VPS9D1: variants seen among roughly 807,000 people sequenced by gnomAD.
VPS9D1 encodes VPS9 domain containing 1, also known as VPS9 domain-containing protein 1.
VPS9D1 carries 78 observed loss-of-function variants against 75.8 expected under a neutral mutation model. The observed-to-expected ratio is 1.03, with a 90% CI of 0.86 to 1.24. The LOEUF (loss-of-function observed/expected upper bound fraction) is 1.24. Among genes scored for constraint, VPS9D1 ranks in the 50% most tolerant of loss-of-function variants. The pLI is 0.00. For missense variants in VPS9D1, 1,057 were observed against 847.7 expected (o/e 1.25, Z -3.07); for synonymous variants, 481 against 385.6 (o/e 1.25, Z -2.90).
In VPS9D1 at chr16:89,711,866, C is replaced by G. The variant is rs554524289; in HGVS notation, c.747+16G>C. 6.5e-6 allele frequency: 10 copies of G among 1,549,610 alleles called. No homozygotes were observed. The highest frequency in any genetic ancestry group is 2.4e-5 in the South Asian group (2 of 84,044). ...CTGGGCTCCTCCTACAAAGCCTGGG[C>G]CCGTGGGGGACGCACATGGTCCTGT... is the stretch of plus-strand genomic sequence containing the variant. On this transcript the variant is annotated intron_variant, in intron 8 of 14. Transcript: ENST00000389386.
At position 89,711,109 on chromosome 16, in the gene VPS9D1, T is replaced by C. The variant is rs568059143; in HGVS notation, c.834-99A>G. 1.9e-4 allele frequency: 242 copies of C among 1,295,334 alleles called. No homozygotes were observed. In the East Asian group the frequency reaches 5.3e-3, roughly 28 times the overall value. The allele number at this position is 1,295,334 out of a possible 1,614,324, so 80.2% of individuals were successfully genotyped here. ...CCGGTTTCAGAGAAGCGACTTGCAT[T>C]ACCTCCTGACAGTGAATGTTGGAAA... On this transcript the variant is annotated intron_variant, in intron 9 of 14. Coordinates refer to ENST00000389386, the MANE Select transcript of VPS9D1 (RefSeq NM_004913.3).
Position 89,707,684 on chromosome 16 carries a change from T to C in VPS9D1, c.*177A>G. 1 of 592,594 alleles carries C rather than the reference T, an allele frequency of 1.7e-6. No individual in the cohort carries two copies. Among genetic ancestry groups the C allele is most frequent in the East Asian group, 2.9e-5 (1 of 34,450 alleles). 36.7% of individuals were successfully genotyped at this position (592,594 alleles called of 1,614,324 possible). On this transcript the variant is annotated 3_prime_UTR_variant, in exon 15 of 15. Transcript: ENST00000389386. ...GCCAACCCCAAGCTCCAGGGTCAGA[T>C]GTGAGGTGAGGAAGGTGAAGAGCTG...
Position 89,710,755 on chromosome 16 carries a change from G to T in VPS9D1, c.1089C>A (p.Pro363=). ...PPLQPGPVGS[P]SPLGDTASGL... is the part of the protein sequence containing the mutation. ...CAGATGCGGTGTCCCCCAGGGGTGA[G>T]GGAGACCCCACGGGGCCGGGTTGGA... Residue 363 remains proline, a synonymous_variant, in exon 10 of 15, where the codon CCC becomes CCA. Coordinates refer to ENST00000389386, the MANE Select transcript of VPS9D1 (RefSeq NM_004913.3). 7.0e-6 allele frequency: 11 copies of T among 1,573,028 alleles called. No individual in the cohort carries two copies. The highest frequency in any genetic ancestry group is 1.3e-5 in the African/African-American group (1 of 74,140).
rs1247799994 is a variant in VPS9D1, at chr16:89,709,374, G to A, written c.1450C>T (p.Pro484Ser). The A allele has an allele frequency of 1.9e-6, 3 of 1,566,618 alleles. No homozygotes were observed. The highest frequency in any genetic ancestry group is 1.4e-5 in the African/African-American group (1 of 73,996). ...GTGGGGATGCCAATGGCGGTGGGGG[G>A]TGCATTCCTGTAGAGCTCCATGCTC... Reference protein sequence around the residue: ...SRSMELYRNAPPTAIGIPTKL... With the variant: ...SRSMELYRNASPTAIGIPTKL... The change falls in exon 12 of 15, where the codon CCC (proline) becomes TCC (serine). Residue 484 changes from proline to serine, a missense_variant. Transcript: ENST00000389386.
Position 89,716,572 on chromosome 16 carries a change from A to C in VPS9D1, c.321T>G (p.Pro107=). The C allele has an allele frequency of 6.2e-7, 1 of 1,613,982 alleles. No homozygotes were observed. The highest frequency in any genetic ancestry group is 8.5e-7 in the Non-Finnish European group (1 of 1,179,936). ...AGTATACACGGCGGTGTCGGCCGGC[A>C]GGCTGGGGAATGGGAGCAGCTGCAG... ...TMPAAAPIPQ[P]AGRHRRVYSD... The change falls in exon 4 of 15, where the codon CCT becomes CCG. Residue 107 remains proline, a synonymous_variant. Coordinates refer to ENST00000389386, the MANE Select transcript of VPS9D1 (RefSeq NM_004913.3).
intron 2 of VPS9D1, chr16:89,717,343 G>A: frequency 2.8e-6 from 1 of 351,122 alleles, no homozygotes; most frequent in East Asian, 7.5e-5. Context: ...TGCAACTGCA[G>A]GCCTCTGGGA....
chr16:89,714,775 G>T (rs763666743), intron 4 of VPS9D1, among the ~76,000 whole-genome samples: 12 of 151,638 alleles, frequency 7.9e-5, no homozygotes, highest in Admixed American at 6.6e-5. Context: ...TCGCTCTGTT[G>T]CTAGGCTGGA....
At chr16:89,720,184 T>C (rs948618779) in intron 1 of VPS9D1, among the ~76,000 whole-genome samples, 58 of 152,204 alleles carry the variant, frequency 3.8e-4, no homozygotes, top group Non-Finnish European at 4.9e-4. Context: ...GGAACGAGGC[T>C]TCTCCTAGGC....
intron 13 of VPS9D1, 64 bp from the exon 14 acceptor site, chr16:89,708,595 G>T (rs577366091): frequency 1.6e-5 from 24 of 1,514,372 alleles, no homozygotes; most frequent in Non-Finnish European, 1.8e-5. Flanking sequence ...AAACCCAGCA[G>T]CTGTGGAGCC....
At chr16:89,711,749 G>T (rs1167532442) in intron 8 of VPS9D1, 133 bp downstream of exon 8, 2 of 1,125,416 alleles carry the variant, frequency 1.8e-6, no homozygotes, top group African/African-American at 3.2e-5. Flanking sequence ...CCTCCCACGG[G>T]CCTCTGGCCC....
At chr16:89,713,815 T>C (rs2060997922) in intron 4 of VPS9D1, among the ~76,000 whole-genome samples, 1 of 151,538 alleles carries the variant, frequency 6.6e-6, no homozygotes, top group South Asian at 2.1e-4. Context: ...GAGACCATCC[T>C]GGCTAACATG....
intron 12 of VPS9D1, 54 bp downstream of exon 12, chr16:89,709,173 G>T: frequency 1.2e-6 from 2 of 1,604,006 alleles, no homozygotes; most frequent in African/African-American, 2.7e-5. Context: ...CAGGCTCCAG[G>T]TCACCTACTG....
Position 89,707,901 on chromosome 16 carries a change from C to T in VPS9D1, c.1856G>A (p.Ser619Asn), listed in dbSNP as rs199906853. The T allele has an allele frequency of 6.2e-7, 1 of 1,613,168 alleles. No homozygotes were observed. The highest frequency in any genetic ancestry group is 2.2e-5 in the East Asian group (1 of 44,884). Residue 619 changes from serine (S) to asparagine (N), a missense_variant, in exon 15 of 15, where the codon AGC becomes AAC. Transcript: ENST00000389386. Reference sequence around the variant, plus strand: ...TCCCCGGGGCAGCAGCTCCACGTAGCTCAGGGCACTCTGCAGTGATGTGAG... The same window carrying T: ...TCCCCGGGGCAGCAGCTCCACGTAGTTCAGGGCACTCTGCAGTGATGTGAG... ...YCLTSLQSALSYVELLPRGGL... is the reference protein window; with the variant it reads ...YCLTSLQSALNYVELLPRGGL...
intron 14 of VPS9D1, 91 bp from the exon 15 acceptor site, chr16:89,708,045 A>C: frequency 7.6e-7 from 1 of 1,311,400 alleles, no homozygotes; most frequent in Non-Finnish European, 1.1e-6. Flanking sequence ...CTCCCAGTTC[A>C]GGACCTGGGT....
At chr16:89,708,739 G>A (rs1338326170) in intron 13 of VPS9D1, 118 bp downstream of exon 13, 18 of 1,223,328 alleles carry the variant, frequency 1.5e-5, no homozygotes, top group South Asian at 1.2e-4. Context: ...CGGCCCTCCT[G>A]CTTCTACAGT....
intron 8 of VPS9D1, 145 bp from the exon 9 acceptor site, chr16:89,711,557 G>A: frequency 4.7e-6 from 3 of 636,790 alleles, no homozygotes; most frequent in Non-Finnish European, 7.4e-6. Flanking sequence ...CCCGCGACCC[G>A]CCCCCGCCCC....
chr16:89,709,437 T>TG lies in VPS9D1; in HGVS notation c.1389-3dup. ...GCCTCCCGGGCTCGGTGCACGCTCCTGGGGCAGAGAGAGGCCAGGCTAAGC... is the reference window on the plus strand; with the variant it reads ...GCCTCCCGGGCTCGGTGCACGCTCCTGGGGGCAGAGAGAGGCCAGGCTAAGC... On this transcript the variant is annotated splice_region_variant and splice_polypyrimidine_tract_variant and intron_variant, in intron 11 of 14. Transcript: ENST00000389386. 1 of 1,506,980 alleles carries TG rather than the reference T, an allele frequency of 6.6e-7. No individual in the cohort carries two copies. The allele number at this position is 1,506,980 out of a possible 1,614,324, so 93.4% of individuals were successfully genotyped here. A position where few individuals can be genotyped will look rare whatever the true frequency, so the allele number is the denominator to read the frequency against.
At chr16:89,717,201 T>G (rs1597929158) in intron 2 of VPS9D1, 1 of 207,302 alleles carries the variant, frequency 4.8e-6, no homozygotes, top group South Asian at 4.5e-5. Flanking sequence ...CCCAGGCAAG[T>G]CCCCCCACCC....
At position 89,715,617 on chromosome 16, in the gene VPS9D1, G is replaced by A. The variant is rs567870081; in HGVS notation, c.431+845C>T. ...GCTCACTGCACCCTCAACCTGTCAG[G>A]CTCAAGTGAGCCTCCCACCTCAGCC... On this transcript the variant is annotated intron_variant, in intron 4 of 14. Coordinates refer to ENST00000389386, the MANE Select transcript of VPS9D1 (RefSeq NM_004913.3). 5.9e-5 allele frequency among the ~76,000 whole-genome samples: 9 copies of A among 151,292 alleles called. 1 individual carries two copies. In the South Asian group the frequency reaches 1.9e-3, roughly 32 times the overall value.
Sources: allele counts gnomAD v4.1 joint callset (sites outside exome capture counted in the v4.1 genomes callset), GRCh38; gene constraint gnomAD v4.1.1; transcripts MANE v1.5; gene names NCBI Gene and HGNC (gene_info 2026-07-23, HGNC 2026-07-21).